ERCC6: variants seen among roughly 807,000 people sequenced by gnomAD.
ERCC6 encodes the protein ERCC excision repair 6, chromatin remodeling factor, also known as DNA excision repair protein ERCC-6.
A neutral mutation model predicts 158.7 loss-of-function variants in ERCC6; 116 were observed. That is an observed-to-expected ratio of 0.73 (90% CI 0.63 to 0.85). The LOEUF (loss-of-function observed/expected upper bound fraction) is 0.85. Among genes scored for constraint, ERCC6 ranks in the 40% least tolerant of loss-of-function variants. The pLI is 0.00. For missense variants in ERCC6, 1,698 were observed against 1,799.4 expected (o/e 0.94, Z 1.02); for synonymous variants, 678 against 659.3 (o/e 1.03, Z -0.43).
rs1564729633 is a variant in ERCC6 at position 49,471,047 on chromosome 10, C to A, written c.2998G>T (p.Asp1000Tyr). 1 of 1,614,068 alleles carries A rather than the reference C, an allele frequency of 6.2e-7. No homozygotes were observed. Among genetic ancestry groups the A allele is most frequent in the Non-Finnish European group, 8.5e-7 (1 of 1,179,984 alleles). ...GTCAGAGTAAATAGCTCATAGAGAT[C>A]ATTGGATTTGAAAAACCGCCTTTGT... is the stretch of plus-strand genomic sequence containing the variant. ...PKQRRFFKSNDLYELFTLTSP... is the reference protein window; with the variant it reads ...PKQRRFFKSNYLYELFTLTSP... The change falls in exon 17 of 21, where the codon GAT (aspartate) becomes TAT (tyrosine). Residue 1000 changes from aspartate to tyrosine, a missense_variant. Transcript: ENST00000355832.
At chr10:49,468,453 T>C (rs1003257787) in intron 18 of ERCC6, among the ~76,000 whole-genome samples, 5 of 152,240 alleles carry the variant, frequency 3.3e-5, no homozygotes, top group Non-Finnish European at 7.3e-5. Flanking sequence ...AAGAGATCAC[T>C]GCCCTTTGGT....
intron 5 of ERCC6, among the ~76,000 whole-genome samples, chr10:49,506,810 GAA>G (rs530639675): frequency 7.2e-6 from 1 of 139,718 alleles, no homozygotes; most frequent in African/African-American, 2.6e-5. Context: ...CGTGAGTGGG[GAA>G]AAAAAAAAAG....
intron 1 of ERCC6, among the ~76,000 whole-genome samples, chr10:49,538,341 GA>G (rs1837651835): frequency 6.6e-6 from 1 of 152,220 alleles, no homozygotes; most frequent in Non-Finnish European, 1.5e-5. Context: ...GAATGACTCT[GA>G]AAACTGTTAA....
intron 8 of ERCC6, among the ~76,000 whole-genome samples, chr10:49,484,753 G>A (rs1189576959): frequency 6.6e-6 from 1 of 152,142 alleles, no homozygotes; most frequent in African/African-American, 2.4e-5. Context: ...AGAGAAAAAT[G>A]TTTTTAAAAA....
chr10:49,493,959 A>G (rs896580642), intron 7 of ERCC6, among the ~76,000 whole-genome samples: 4 of 152,258 alleles, frequency 2.6e-5, no homozygotes, highest in Non-Finnish European at 4.4e-5. Context: ...GTAGTTCGGC[A>G]GCAAAATCAA....
chr10:49,476,292 T>C lies in ERCC6; in HGVS notation c.2305A>G (p.Thr769Ala). 6.2e-7 allele frequency: 1 copy of C among 1,613,148 alleles called. No individual in the cohort carries two copies. The highest frequency in any genetic ancestry group is 8.5e-7 in the Non-Finnish European group (1 of 1,179,496). The change falls in exon 12 of 21, where the codon ACA becomes GCA. Residue 769 changes from threonine to alanine, a missense_variant. By Grantham distance (58) the Thr-to-Ala change is moderately conservative. Coordinates refer to ENST00000355832, the MANE Select transcript of ERCC6 (RefSeq NM_000124.4). Reference protein sequence around the residue: ...KNEQVLFCRLTDEQHKVYQNF... With the variant: ...KNEQVLFCRLADEQHKVYQNF... ...TGGTAGACTTTATGCTGCTCATCTG[T>C]AAGACGGCAAAATAAGACCTACGGA...
intron 19 of ERCC6, among the ~76,000 whole-genome samples, chr10:49,460,987 G>A (rs1294523574): frequency 6.6e-6 from 1 of 152,076 alleles, no homozygotes; most frequent in African/African-American, 2.4e-5. Flanking sequence ...ATTCCAAGTA[G>A]GAAAATCATT....
chr10:49,529,570 A>AG (rs1837420617), intron 3 of ERCC6, among the ~76,000 whole-genome samples: 1 of 152,148 alleles, frequency 6.6e-6, no homozygotes, highest in South Asian at 2.1e-4. Flanking sequence ...GCTAGCTTTG[A>AG]CCTTTGGGCT....
chr10:49,473,507 T>G lies in ERCC6; in HGVS notation c.2679A>C (p.Ser893=), dbSNP rs754737368. 23 of 1,612,336 alleles carry G rather than the reference T, an allele frequency of 1.4e-5. No homozygotes were observed. In the Admixed American group the frequency reaches 3.0e-4, roughly 21 times the overall value. ...LKMDGTTTIA[S]RQPLITRYNE... is the part of the protein sequence containing the mutation. ...TGTATCTCGTAATCAGTGGCTGTCTTGAAGCTATTGTAGTGGTACCATCCA... is the reference window on the plus strand; with the variant it reads ...TGTATCTCGTAATCAGTGGCTGTCTGGAAGCTATTGTAGTGGTACCATCCA... The change falls in exon 14 of 21, where the codon TCA becomes TCC. Residue 893 remains serine (S), a synonymous_variant. Transcript: ENST00000355832.
intron 9 of ERCC6, 47 bp downstream of exon 9, chr10:49,483,299 A>G (rs760776669): frequency 5.3e-5 from 84 of 1,577,944 alleles, no homozygotes; most frequent in Non-Finnish European, 7.0e-5. Context: ...TTCTGAATTA[A>G]TTATTCTTCT....
In ERCC6 at chr10:49,530,737, G is replaced by C; in HGVS notation, c.526C>G (p.Arg176Gly). 1 of 1,613,410 alleles carries C rather than the reference G, an allele frequency of 6.2e-7. No individual in the cohort carries two copies. The highest frequency in any genetic ancestry group is 8.5e-7 in the Non-Finnish European group (1 of 1,179,766). Residue 176 changes from arginine to glycine, a missense_variant, in exon 3 of 21, where the codon CGA becomes GGA. Physicochemically the swap from Arg to Gly is moderately radical, Grantham distance 125. Coordinates refer to ENST00000355832, the MANE Select transcript of ERCC6 (RefSeq NM_000124.4). ...DINRKLDSVK[R>G]QKYNKEQQLK... ...TGAATCACCTTATTATACTTCTGTC[G>C]TTTTACAGAATCTAGTTTCCTGTTG... is the stretch of plus-strand genomic sequence containing the variant.
chr10:49,526,098 TTTATATATTTATATATTTTTATATATA>T (rs1280268812), intron 4 of ERCC6, among the ~76,000 whole-genome samples: 1 of 103,302 alleles, frequency 9.7e-6, no homozygotes, highest in East Asian at 4.0e-4. Context: ...TATTTATATA[TTTATATATTTATATATTTTTATATATA>T]TATATATATA....
In ERCC6 at chr10:49,493,333, A is replaced by G. The variant is rs562673066; in HGVS notation, c.1686-81T>C. On this transcript the variant is annotated intron_variant, in intron 7 of 20. Transcript: ENST00000355832. Reference sequence around the variant, plus strand: ...ACTGCTCAAAAGATCCCCCAAAACAACAAACAAAAAACTTAGTTCAAAAAA... The same window carrying G: ...ACTGCTCAAAAGATCCCCCAAAACAGCAAACAAAAAACTTAGTTCAAAAAA... The G allele has an allele frequency of 4.9e-5, 76 of 1,545,732 alleles. No individual in the cohort carries two copies. The South Asian group carries it at 5.9e-4, about 12-fold the overall frequency.
In ERCC6 at chr10:49,539,016, C is replaced by T. The variant is rs1291184859; in HGVS notation, c.-69G>A. On this transcript the variant is annotated 5_prime_UTR_variant, in exon 1 of 21. Transcript: ENST00000355832. ...CAGAGACGCTACCGCCGCCAGCCGC[C>T]TTGGAACCCAGCTCGACGGGCCGTG... 6.5e-6 allele frequency: 1 copy of T among 152,730 alleles called. No individual in the cohort carries two copies. The highest frequency in any genetic ancestry group is 2.4e-5 in the African/African-American group (1 of 41,488). The allele number at this position is 152,730 out of a possible 1,614,324, so 9.5% of individuals were successfully genotyped here.
intron 7 of ERCC6, among the ~76,000 whole-genome samples, chr10:49,500,225 T>C (rs1851333911): frequency 3.3e-5 from 5 of 152,214 alleles, no homozygotes; most frequent in Admixed American, 3.3e-4. Flanking sequence ...TTAACATAAT[T>C]GAGTTTGTAA....
Position 49,515,279 on chromosome 10 carries a change from A to ACT in ERCC6, c.1397+8752_1397+8753dup, listed in dbSNP as rs1836912344. The ACT allele has an allele frequency of 1.9e-6, 3 of 1,540,826 alleles. No homozygotes were observed. In the South Asian group the frequency reaches 3.8e-5, roughly 20 times the overall value. ...GAACACTAGGCAAAACCACTGCTAC[A>ACT]CTGTACATAATGTATAAAACTATGT... On this transcript the variant is annotated intron_variant, in intron 5 of 20. Transcript: ENST00000355832.
rs1850516608 is a variant in ERCC6, at chr10:49,458,325, C to A, written c.*490G>T. On this transcript the variant is annotated 3_prime_UTR_variant, in exon 21 of 21. Transcript: ENST00000355832. ...TCAAACAACAAATAACAAACCTGAC[C>A]TTTGTGGGTGGCAAATGGTAAATAT... The A allele has an allele frequency of 6.4e-6, 1 of 156,100 alleles. No individual in the cohort carries two copies. Among genetic ancestry groups the A allele is most frequent in the Non-Finnish European group, 1.4e-5 (1 of 70,344 alleles). The allele number at this position is 156,100 out of a possible 1,614,324, so 9.7% of individuals were successfully genotyped here.
At chr10:49,516,176 A>G (rs199661164) in intron 5 of ERCC6, 15 of 1,614,094 alleles carry the variant, frequency 9.3e-6, no homozygotes, top group African/African-American at 1.3e-5. Context: ...TTTTACCCTG[A>G]TACGGCTGAA....
rs747621933 is a variant in ERCC6, at chr10:49,524,609, T to C, written c.821A>G (p.Tyr274Cys). 1 of 1,614,110 alleles carries C rather than the reference T, an allele frequency of 6.2e-7. No homozygotes were observed. The highest frequency in any genetic ancestry group is 1.3e-5 in the African/African-American group (1 of 74,946). ...MLNEASGFEK[Y>C]LADQAKLSFE... is the part of the protein sequence containing the mutation. ...AGACAGTTTTGCTTGATCTGCCAAA[T>C]ACTTTTCGAAGCCTGATGCTTCATT... Residue 274 changes from tyrosine to cysteine, a missense_variant, in exon 5 of 21, where the codon TAT becomes TGT. Tyr to Cys is a radical substitution (Grantham distance 194, BLOSUM62 -2). Transcript: ENST00000355832.
Sources: gnomAD v4.1 joint callset for allele counts (sites outside exome capture counted in the v4.1 genomes callset) on GRCh38, gnomAD v4.1.1 for gene constraint, MANE v1.5 for transcripts, NCBI Gene and HGNC (gene_info 2026-07-23, HGNC 2026-07-21) for gene names.